The following LDLRAD3 variants were observed in gnomAD, a reference collection of about 807,000 sequenced individuals.
LDLRAD3 encodes low-density lipoprotein receptor class A domain-containing protein 3.
Under a neutral mutation model 29.4 loss-of-function variants are expected in LDLRAD3, and 20 were observed. The observed-to-expected ratio is 0.68, with a 90% CI of 0.48 to 0.99. The LOEUF (loss-of-function observed/expected upper bound fraction) is 0.99, where lower values mean the gene tolerates loss of function less well. Ranked by LOEUF, LDLRAD3 falls within the 50% of genes least tolerant of loss-of-function variation. The pLI is 0.00. For missense variants in LDLRAD3, 420 were observed against 454.3 expected (o/e 0.92, Z 0.69); for synonymous variants, 157 against 192.7 (o/e 0.81, Z 1.53).
intron 4 of LDLRAD3, among the ~76,000 whole-genome samples, chr11:36,131,548 A>T (rs1853925773): frequency 6.6e-6 from 1 of 152,194 alleles, no homozygotes; most frequent in Non-Finnish European, 1.5e-5. Context: ...AGGAATGAAA[A>T]CACTATACTA....
At chr11:36,086,712 G>A (rs779998274) in intron 3 of LDLRAD3, among the ~76,000 whole-genome samples, 5 of 152,132 alleles carry the variant, frequency 3.3e-5, no homozygotes, top group African/African-American at 2.4e-5. Flanking sequence ...GAGAAAATAC[G>A]GTAAACTCGC....
intron 3 of LDLRAD3, among the ~76,000 whole-genome samples, chr11:36,091,413 A>G (rs2133266721): frequency 6.6e-6 from 1 of 152,266 alleles, no homozygotes; most frequent in Non-Finnish European, 1.5e-5. Context: ...CCTCGGTCTT[A>G]TCTTTTAGAT....
intron 4 of LDLRAD3, among the ~76,000 whole-genome samples, chr11:36,131,017 C>G (rs1853918237): frequency 6.6e-6 from 1 of 152,228 alleles, no homozygotes; most frequent in African/African-American, 2.4e-5. Context: ...TCTCAGGATG[C>G]CTCACCTGAC....
At chr11:36,052,101 T>C (rs936546306) in intron 2 of LDLRAD3, among the ~76,000 whole-genome samples, 1 of 152,204 alleles carries the variant, frequency 6.6e-6, no homozygotes, top group Non-Finnish European at 1.5e-5. Context: ...GTAAGGAAGT[T>C]GGTTGGACAA....
intron 4 of LDLRAD3, among the ~76,000 whole-genome samples, chr11:36,215,698 C>A (rs941535573): frequency 5.3e-5 from 8 of 152,258 alleles, no homozygotes; most frequent in African/African-American, 1.7e-4. Flanking sequence ...GATCTGAAAT[C>A]TCAAGAAGCC....
intron 4 of LDLRAD3, among the ~76,000 whole-genome samples, chr11:36,126,801 G>A (rs1348042854): frequency 1.3e-5 from 2 of 152,222 alleles, no homozygotes; most frequent in African/African-American, 2.4e-5. Flanking sequence ...ACTCTGTGGA[G>A]TTATAATCTG....
chr11:36,084,077 C>T (rs1853160163), intron 3 of LDLRAD3, among the ~76,000 whole-genome samples: 1 of 147,582 alleles, frequency 6.8e-6, no homozygotes, highest in African/African-American at 2.5e-5. Flanking sequence ...TGCCACCACA[C>T]CCTCCTAATT....
chr11:36,098,259 A>G (rs901822152), intron 3 of LDLRAD3, 68 bp from the exon 4 acceptor site: 2 of 1,586,240 alleles, frequency 1.3e-6, no homozygotes, highest in Non-Finnish European at 1.7e-6. Context: ...CCAGGCTGGA[A>G]GAAGTTCCAG....
chr11:36,123,349 A>G (rs535724447), intron 4 of LDLRAD3, among the ~76,000 whole-genome samples: 4 of 152,368 alleles, frequency 2.6e-5, no homozygotes, highest in Non-Finnish European at 5.9e-5. Flanking sequence ...TAGCTCACCA[A>G]GCTTAGCTCC....
chr11:36,138,102 C>T (rs947704904), intron 4 of LDLRAD3, among the ~76,000 whole-genome samples: 26 of 152,204 alleles, frequency 1.7e-4, no homozygotes, highest in African/African-American at 6.0e-4. Flanking sequence ...CCAAGGCTGG[C>T]AGTGACACCA....
intron 4 of LDLRAD3, among the ~76,000 whole-genome samples, chr11:36,145,562 A>C (rs1193413101): frequency 6.9e-6 from 1 of 143,962 alleles, no homozygotes; most frequent in Non-Finnish European, 1.6e-5. Flanking sequence ...GTGGAATAGA[A>C]AGGGGGGAAA....
chr11:35,983,860 A>C (rs1007815999), intron 1 of LDLRAD3, among the ~76,000 whole-genome samples: 2 of 152,094 alleles, frequency 1.3e-5, no homozygotes, highest in South Asian at 4.2e-4. Flanking sequence ...CCTGACCTCA[A>C]GTGATCCGCC....
chr11:36,060,333 G>A (rs536548861), intron 2 of LDLRAD3, among the ~76,000 whole-genome samples: 30 of 138,676 alleles, frequency 2.2e-4, no homozygotes, highest in Middle Eastern at 8.3e-3. Context: ...CAGCCTGGGC[G>A]ACAGAGCAAG....
chr11:36,114,050 A>G (rs897314282), intron 4 of LDLRAD3, among the ~76,000 whole-genome samples: 1 of 152,310 alleles, frequency 6.6e-6, no homozygotes, highest in African/African-American at 2.4e-5. Flanking sequence ...GGGAGATTGG[A>G]TGGGTACTGG....
At chr11:36,058,522 A>G (rs1293463465) in intron 2 of LDLRAD3, among the ~76,000 whole-genome samples, 1 of 152,192 alleles carries the variant, frequency 6.6e-6, no homozygotes. Context: ...GTGGCACTGC[A>G]AATCAAAACC....
chr11:36,141,503 G>C (rs973757231), intron 4 of LDLRAD3, among the ~76,000 whole-genome samples: 1 of 152,082 alleles, frequency 6.6e-6, no homozygotes, highest in African/African-American at 2.4e-5. Context: ...CCCCATCCCT[G>C]TCCTGAGGTC....
At chr11:36,217,530 C>G (rs536681162) in intron 4 of LDLRAD3, among the ~76,000 whole-genome samples, 1 of 152,300 alleles carries the variant, frequency 6.6e-6, no homozygotes, top group African/African-American at 2.4e-5. Context: ...GTTCCTTAAC[C>G]TGTGTTCCCA....
intron 4 of LDLRAD3, among the ~76,000 whole-genome samples, chr11:36,105,248 A>T (rs1368490047): frequency 6.9e-6 from 1 of 144,050 alleles, no homozygotes; most frequent in African/African-American, 2.8e-5. Context: ...TGAGAGAGAG[A>T]GAGAGAGAGA....
Position 35,985,374 on chromosome 11 carries a change from CGGG to C in LDLRAD3, c.46+41232_46+41234del, listed in dbSNP as rs1200183982. On this transcript the variant is annotated intron_variant, in intron 1 of 5. Coordinates refer to ENST00000315571, the MANE Select transcript of LDLRAD3 (RefSeq NM_174902.4). Reference sequence around the variant, plus strand: ...GACAAGTTAGGAAATGGAGTAGACTCGGGGAGAGGATATTTTTGCAGATTCCGT... The same window carrying C: ...GACAAGTTAGGAAATGGAGTAGACTCGAGAGGATATTTTTGCAGATTCCGT... Among the ~76,000 whole-genome samples, 10 of 152,054 alleles carry C rather than the reference CGGG, an allele frequency of 6.6e-5. No individual in the cohort carries two copies. In the South Asian group the frequency reaches 1.5e-3, roughly 22 times the overall value.
Sources: allele counts gnomAD v4.1 joint callset (sites outside exome capture counted in the v4.1 genomes callset), GRCh38; gene constraint gnomAD v4.1.1; transcripts MANE v1.5; gene names NCBI Gene and HGNC (gene_info 2026-07-23, HGNC 2026-07-21).